EQTN: variants seen among roughly 807,000 people sequenced by gnomAD.
EQTN encodes equatorin, also known as Acrosome formation associated factor.
In EQTN, 29 loss-of-function variants were observed where a neutral mutation model predicts 26.9. The observed-to-expected ratio is 1.08, with a 90% CI of 0.80 to 1.47. The LOEUF is 1.47. EQTN is among the 40% of genes most tolerant of loss of function. The pLI, the probability that EQTN is intolerant of heterozygous loss-of-function variation, is 0.00. For synonymous variants in EQTN, 129 were observed against 120.0 expected (o/e 1.07, Z -0.49); for missense variants, 391 against 346.1 (o/e 1.13, Z -1.03).
At position 27,289,749 on chromosome 9, in the gene EQTN, G is replaced by T. The variant is rs1167364959; in HGVS notation, c.422-18C>A. 1.3e-6 allele frequency: 2 copies of T among 1,593,062 alleles called. No individual in the cohort carries two copies. Among genetic ancestry groups the T allele is most frequent in the Middle Eastern group, 1.7e-4 (1 of 6,020 alleles). On this transcript the variant is annotated intron_variant, in intron 5 of 7. Transcript: ENST00000380032. ...ATTTATAGCTGTTAAAACAAATTGG[G>T]GTTATGGTAAACAACGTTCACTTAC...
chr9:27,290,870 C>G (rs1820220648), intron 5 of EQTN, 149 bp downstream of exon 5: 1 of 503,682 alleles, frequency 2.0e-6, no homozygotes, highest in East Asian at 3.2e-5. Flanking sequence ...TATCACCTTT[C>G]TAGGTTTGTT....
chr9:27,293,864 G>A (rs1379222663), intron 3 of EQTN, among the ~76,000 whole-genome samples: 1 of 152,118 alleles, frequency 6.6e-6, no homozygotes, highest in Admixed American at 6.5e-5. Flanking sequence ...GCATTCCTGA[G>A]TCTCACATTT....
In EQTN at chr9:27,284,807, T is replaced by C. The variant is rs1433729284; in HGVS notation, c.801A>G (p.Thr267=). Residue 267 remains threonine (T), a synonymous_variant, in exon 8 of 8, where the codon ACA becomes ACG. Coordinates refer to ENST00000380032, the MANE Select transcript of EQTN (RefSeq NM_020641.3). ...SSDMRRSGTR[T]SESKIMTDII... is the part of the protein sequence containing the mutation. ...TATCCGTCATTATCTTAGATTCTGA[T>C]GTTCTTGTGCCTGATCTTCTCATAT... is the stretch of plus-strand genomic sequence containing the variant. 1.5e-5 allele frequency: 24 copies of C among 1,614,068 alleles called. No individual in the cohort carries two copies. Among genetic ancestry groups the C allele is most frequent in the Non-Finnish European group, 2.0e-5 (24 of 1,180,018 alleles).
intron 3 of EQTN, 73 bp downstream of exon 3, chr9:27,294,243 C>T (rs1387657674): frequency 5.0e-6 from 5 of 992,648 alleles, no homozygotes; most frequent in African/African-American, 1.6e-5. Flanking sequence ...TTCTCCCCAA[C>T]AGTCTCTTAT....
intron 2 of EQTN, among the ~76,000 whole-genome samples, chr9:27,296,015 G>A (rs554306312): frequency 3.8e-4 from 58 of 152,010 alleles, no homozygotes; most frequent in African/African-American, 1.3e-3. Context: ...ACTTAAACAG[G>A]CTTGGCCAGG....
At chr9:27,296,472 T>C in intron 2 of EQTN, 141 bp downstream of exon 2, 2 of 584,508 alleles carry the variant, frequency 3.4e-6, no homozygotes, top group Non-Finnish European at 5.7e-6. Flanking sequence ...TGGGCAAGGG[T>C]ATGAACAGGC....
In EQTN at chr9:27,294,371, A is replaced by T; in HGVS notation, c.234T>A (p.Thr78=). 6.2e-7 allele frequency: 1 copy of T among 1,610,756 alleles called. No individual in the cohort carries two copies. The highest frequency in any genetic ancestry group is 8.5e-7 in the Non-Finnish European group (1 of 1,177,840). ...YVFTTQNPNG[T]ESEISVRATT... ...TGGCTCTCACAGATATTTCAGACTC[A>T]GTGCCATTTGGATTTTGTGTTGTGA... The change falls in exon 3 of 8, where the codon ACT becomes ACA. Residue 78 remains threonine (T), a synonymous_variant. Transcript: ENST00000380032.
rs748200947 is a variant in EQTN at position 27,286,347 on chromosome 9, G to A, written c.497C>T (p.Ala166Val). 4.1e-5 allele frequency: 65 copies of A among 1,596,018 alleles called. No homozygotes were observed. The Admixed American group carries it at 1.1e-3, about 27-fold the overall frequency. Residue 166 changes from alanine (A) to valine (V), a missense_variant, in exon 7 of 8, where the codon GCT (alanine) becomes GTT (valine). By Grantham distance (64) the Ala-to-Val change is moderately conservative. Coordinates refer to ENST00000380032, the MANE Select transcript of EQTN (RefSeq NM_020641.3). ...FHPIPESDVN[A>V]TQGENQPDLE... ...ATCTGGCTGATTTTCTCCCTGTGTA[G>A]CATTCACATCAGACTCTGAAAAGAA...
intron 2 of EQTN, among the ~76,000 whole-genome samples, chr9:27,295,282 G>T (rs1820313582): frequency 6.6e-6 from 1 of 151,990 alleles, no homozygotes; most frequent in Non-Finnish European, 1.5e-5. Flanking sequence ...ATAAAACAAA[G>T]TCACAACCCA....
intron 6 of EQTN, among the ~76,000 whole-genome samples, chr9:27,288,576 A>C (rs1319006393): frequency 1.1e-4 from 17 of 152,340 alleles, no homozygotes. Context: ...AAGTGTTTAC[A>C]ATAGCTTTTT....
At position 27,284,754 on chromosome 9, in the gene EQTN, A is replaced by G; in HGVS notation, c.854T>C (p.Met285Thr). ...GGTAACCGACTCATCGTTTTCATGC[A>G]TCTCATTATCTGAGCCTATGGAAAT... is the stretch of plus-strand genomic sequence containing the variant. Reference protein sequence around the residue: ...DIISIGSDNEMHENDESVTR With the variant: ...DIISIGSDNETHENDESVTR Residue 285 changes from methionine to threonine, a missense_variant, in exon 8 of 8, where the codon ATG becomes ACG. Transcript: ENST00000380032. The G allele has an allele frequency of 6.2e-7, 1 of 1,614,010 alleles. No individual in the cohort carries two copies. The highest frequency in any genetic ancestry group is 8.5e-7 in the Non-Finnish European group (1 of 1,179,962).
Position 27,294,373 on chromosome 9 carries a change from T to G in EQTN, c.232A>C (p.Thr78Pro), listed in dbSNP as rs757739918. ...YVFTTQNPNG[T>P]ESEISVRATT... ...GCTCTCACAGATATTTCAGACTCAG[T>G]GCCATTTGGATTTTGTGTTGTGAAC... Residue 78 changes from threonine (T) to proline (P), a missense_variant, in exon 3 of 8, where the codon ACT becomes CCT. Coordinates refer to ENST00000380032, the MANE Select transcript of EQTN (RefSeq NM_020641.3). 2 of 1,610,490 alleles carry G rather than the reference T, an allele frequency of 1.2e-6. No individual in the cohort carries two copies.
At chr9:27,296,236 C>G (rs923904716) in intron 2 of EQTN, among the ~76,000 whole-genome samples, 1 of 151,874 alleles carries the variant, frequency 6.6e-6, no homozygotes, top group African/African-American at 2.4e-5. Context: ...CCTGGGAGGT[C>G]AAGGCTGGCT....
At chr9:27,293,526 C>T (rs1460517427) in intron 3 of EQTN, among the ~76,000 whole-genome samples, 1 of 152,160 alleles carries the variant, frequency 6.6e-6, no homozygotes, top group African/African-American at 2.4e-5. Flanking sequence ...ATGTCTTATT[C>T]CAATCCCACT....
intron 4 of EQTN, chr9:27,292,174 A>C: frequency 3.5e-6 from 1 of 284,676 alleles, no homozygotes; most frequent in Non-Finnish European, 6.5e-6. Flanking sequence ...TTATTAAAAT[A>C]AAGTTCTATT....
Position 27,286,191 on chromosome 9 carries a change from A to G in EQTN, c.635+18T>C. 2 of 1,611,682 alleles carry G rather than the reference A, an allele frequency of 1.2e-6. No individual in the cohort carries two copies. Among genetic ancestry groups the G allele is most frequent in the Non-Finnish European group, 8.5e-7 (1 of 1,178,284 alleles). ...GTCATGCATTTGTTGTAAAGACTGCAGAGGTCTGCAGACTTACCTCAGATG... is the reference window on the plus strand; with the variant it reads ...GTCATGCATTTGTTGTAAAGACTGCGGAGGTCTGCAGACTTACCTCAGATG... On this transcript the variant is annotated intron_variant, in intron 7 of 7. Transcript: ENST00000380032.
At chr9:27,291,414 A>G (rs529453091) in intron 4 of EQTN, among the ~76,000 whole-genome samples, 14 of 152,358 alleles carry the variant, frequency 9.2e-5, no homozygotes, top group African/African-American at 3.4e-4. Flanking sequence ...AGCTTAGAGA[A>G]CTAGCAATAG....
At chr9:27,292,223 CT>C in intron 4 of EQTN, 177 bp downstream of exon 4, 1 of 382,490 alleles carries the variant, frequency 2.6e-6, no homozygotes, top group East Asian at 3.9e-5. Context: ...TCAGGTATAC[CT>C]GAAGACTGAC....
At chr9:27,290,443 T>C (rs771879448) in intron 5 of EQTN, among the ~76,000 whole-genome samples, 3 of 152,210 alleles carry the variant, frequency 2.0e-5, no homozygotes, top group East Asian at 1.9e-4. Context: ...GAGTAGGTGA[T>C]ACAGAATGCA....
Sources: allele counts gnomAD v4.1 joint callset (sites outside exome capture counted in the v4.1 genomes callset), GRCh38; gene constraint gnomAD v4.1.1; transcripts MANE v1.5; gene names NCBI Gene and HGNC (gene_info 2026-07-23, HGNC 2026-07-21).